NPL: variants seen among roughly 807,000 people sequenced by gnomAD.
NPL encodes the protein N-acetylneuraminate lyase.
A neutral mutation model predicts 41.1 loss-of-function variants in NPL; 32 were observed. The observed-to-expected ratio is 0.78, with a 90% CI of 0.59 to 1.05. The LOEUF (loss-of-function observed/expected upper bound fraction) is 1.05, where lower values mean the gene tolerates loss of function less well. Among genes scored for constraint, NPL ranks in the 50% least tolerant of loss-of-function variants. The probability of loss-of-function intolerance (pLI) is 0.00; values close to 1 mark genes in which losing one functional copy is unlikely to be tolerated. For missense variants in NPL, 321 were observed against 378.4 expected, an observed-to-expected ratio of 0.85 and a Z score of 1.26; for synonymous variants, 128 against 134.9, an observed-to-expected ratio of 0.95 and a Z score of 0.35.
intron 10 of NPL, among the ~76,000 whole-genome samples, chr1:182,821,258 A>G (rs184631018): frequency 1.9e-3 from 285 of 152,366 alleles, no homozygotes; most frequent in Non-Finnish European, 3.1e-3. Context: ...GAGAGAAGCC[A>G]TTTGAATTTA....
intron 6 of NPL, among the ~76,000 whole-genome samples, chr1:182,813,699 T>C (rs770186456): frequency 6.6e-6 from 1 of 152,314 alleles, no homozygotes; most frequent in Middle Eastern, 3.4e-3. Context: ...TCTCCTGGTA[T>C]AGGGGTAGTC....
chr1:182,816,992 C>T (rs73065392), intron 8 of NPL, among the ~76,000 whole-genome samples, 186 bp downstream of exon 8: 2,148 of 152,212 alleles, frequency 0.014, 56 homozygotes, highest in African/African-American at 0.049. Flanking sequence ...TTCACACTGC[C>T]GTATAATGGA....
intron 10 of NPL, among the ~76,000 whole-genome samples, chr1:182,820,219 A>G (rs1667451958): frequency 6.6e-6 from 1 of 152,226 alleles, no homozygotes; most frequent in South Asian, 2.1e-4. Context: ...AGCAAAAGAC[A>G]GGCAATTCAA....
intron 6 of NPL, 77 bp downstream of exon 6, chr1:182,812,290 ATTT>A: frequency 2.4e-6 from 3 of 1,270,052 alleles, no homozygotes; most frequent in Non-Finnish European, 3.4e-6. Flanking sequence ...TCAGTACTAT[ATTT>A]GCTATGTAGT....
chr1:182,796,334 C>T (rs1007928531), intron 3 of NPL, among the ~76,000 whole-genome samples: 5 of 151,884 alleles, frequency 3.3e-5, no homozygotes, highest in Non-Finnish European at 7.4e-5. Flanking sequence ...TTTGGAACAC[C>T]CACCAAGAAC....
In NPL at chr1:182,803,717, A is replaced by G; in HGVS notation, c.88A>G (p.Ile30Val). 1 of 1,612,952 alleles carries G rather than the reference A, an allele frequency of 6.2e-7. No homozygotes were observed. Among genetic ancestry groups the G allele is most frequent in the Non-Finnish European group, 8.5e-7 (1 of 1,178,934 alleles). Residue 30 changes from isoleucine (I) to valine (V), a missense_variant, in exon 4 of 13, where the codon ATT becomes GTT. Transcript: ENST00000367553. ...TENGEINFSV[I>V]GQYVDYLVKE... ...TTCTAGAGAAATCAACTTTTCAGTAATTGGTCAGTATGTGGATTATCTTGT... is the reference window on the plus strand; with the variant it reads ...TTCTAGAGAAATCAACTTTTCAGTAGTTGGTCAGTATGTGGATTATCTTGT...
chr1:182,829,170 C>G lies in NPL; in HGVS notation c.*262C>G, dbSNP rs1667705998. On this transcript the variant is annotated 3_prime_UTR_variant, in exon 13 of 13. Transcript: ENST00000367553. The stretch of plus-strand genomic sequence containing the variant: ...TCTGTTTATATGGATGAAATGGAAT[C>G]AAGAGGAAAATTGTAATTGATTAAT... 10 of 1,322,682 alleles carry G rather than the reference C, an allele frequency of 7.6e-6. No homozygotes were observed. The highest frequency in any genetic ancestry group is 9.6e-6 in the Non-Finnish European group (10 of 1,037,602). 81.9% of individuals were successfully genotyped at this position (1,322,682 alleles called of 1,614,324 possible).
At chr1:182,807,820 G>C (rs1440566617) in intron 5 of NPL, among the ~76,000 whole-genome samples, 1 of 150,910 alleles carries the variant, frequency 6.6e-6, no homozygotes, top group South Asian at 2.1e-4. Flanking sequence ...GAACCTGGGA[G>C]GTGGAGCTTG....
At position 182,812,965 on chromosome 1, in the gene NPL, C is replaced by CAATATGGTGA. The variant is rs1287341829; in HGVS notation, c.288+755_288+764dup. On this transcript the variant is annotated intron_variant, in intron 6 of 12. Transcript: ENST00000367553. Reference sequence around the variant, plus strand: ...GTCAGGAGTTTGAGACCAGCCTGACCAATATGGTGAAACCTTGTCTCTACT... The same window carrying CAATATGGTGA: ...GTCAGGAGTTTGAGACCAGCCTGACCAATATGGTGAAATATGGTGAAACCTTGTCTCTACT... 1.5e-4 allele frequency among the ~76,000 whole-genome samples: 23 copies of CAATATGGTGA among 151,984 alleles called. No homozygotes were observed. In the East Asian group the frequency reaches 3.9e-3, roughly 26 times the overall value.
chr1:182,821,227 T>C (rs913680522), intron 10 of NPL, among the ~76,000 whole-genome samples: 1 of 152,244 alleles, frequency 6.6e-6, no homozygotes, highest in Admixed American at 6.5e-5. Flanking sequence ...ATAAATACTT[T>C]TTCTGATACC....
At chr1:182,812,301 A>G in intron 6 of NPL, 88 bp downstream of exon 6, 1 of 1,146,768 alleles carries the variant, frequency 8.7e-7, no homozygotes, top group South Asian at 1.3e-5. Flanking sequence ...TTTGCTATGT[A>G]GTAGATGGTG....
At chr1:182,825,396 C>T (rs1340742462) in intron 11 of NPL, among the ~76,000 whole-genome samples, 4 of 152,170 alleles carry the variant, frequency 2.6e-5, no homozygotes, top group Non-Finnish European at 4.4e-5. Flanking sequence ...TAGCCTTAGC[C>T]ATGTGCTCCT....
At chr1:182,802,592 C>A (rs1014680721) in intron 3 of NPL, among the ~76,000 whole-genome samples, 6 of 152,172 alleles carry the variant, frequency 3.9e-5, no homozygotes, top group African/African-American at 1.4e-4. Flanking sequence ...AGCCAGCTAG[C>A]ACTCTGTGTT....
intron 11 of NPL, among the ~76,000 whole-genome samples, chr1:182,824,136 C>G (rs1330099525): frequency 6.6e-6 from 1 of 152,214 alleles, no homozygotes; most frequent in African/African-American, 2.4e-5. Flanking sequence ...ATATTCCTTG[C>G]AGCTTTGTTT....
chr1:182,824,034 C>CA (rs1667563384), intron 11 of NPL, among the ~76,000 whole-genome samples: 1 of 152,160 alleles, frequency 6.6e-6, no homozygotes, highest in African/African-American at 2.4e-5. Context: ...AAGAAGCAGA[C>CA]AAAAAGTTAG....
intron 10 of NPL, 36 bp downstream of exon 10, chr1:182,818,895 TC>T: frequency 6.3e-7 from 1 of 1,592,920 alleles, no homozygotes; most frequent in Middle Eastern, 1.7e-4. Context: ...GGTTATAAAG[TC>T]CCCCATAAAG....
At chr1:182,824,830 GC>G (rs1298030602) in intron 11 of NPL, among the ~76,000 whole-genome samples, 38 of 152,102 alleles carry the variant, frequency 2.5e-4, no homozygotes, top group African/African-American at 8.9e-4. Context: ...ATTAAAAGAT[GC>G]ATGAGGCTCT....
intron 10 of NPL, among the ~76,000 whole-genome samples, chr1:182,820,293 A>G (rs1296917080): frequency 6.6e-6 from 1 of 152,250 alleles, no homozygotes; most frequent in Non-Finnish European, 1.5e-5. Context: ...AGATTGAATG[A>G]AATTTTTGCA....
At chr1:182,814,153 G>A (rs1667259143) in intron 6 of NPL, among the ~76,000 whole-genome samples, 1 of 152,160 alleles carries the variant, frequency 6.6e-6, no homozygotes, top group South Asian at 2.1e-4. Context: ...TCTGAGCCCT[G>A]CCCTGAGGGA....
Sources: allele counts gnomAD v4.1 joint callset (sites outside exome capture counted in the v4.1 genomes callset), GRCh38; gene constraint gnomAD v4.1.1; transcripts MANE v1.5; gene names NCBI Gene and HGNC (gene_info 2026-07-23, HGNC 2026-07-21).